SLC9A4: variants seen among roughly 807,000 people sequenced by gnomAD.
SLC9A4 encodes solute carrier family 9 member A4.
Under a neutral mutation model 67.4 loss-of-function variants are expected in SLC9A4, and 63 were observed. That is an observed-to-expected ratio of 0.93 (90% CI 0.76 to 1.15). The LOEUF (loss-of-function observed/expected upper bound fraction) is 1.15, where lower values mean the gene tolerates loss of function less well. Ranked by LOEUF, SLC9A4 falls within the 50% of genes most tolerant of loss-of-function variation. The probability of loss-of-function intolerance (pLI) is 0.00; values close to 1 mark genes in which losing one functional copy is unlikely to be tolerated. For synonymous variants in SLC9A4, 393 were observed against 367.2 expected (o/e 1.07, Z -0.80); for missense variants, 1,089 against 987.7 (o/e 1.10, Z -1.38).
chr2:102,501,037 G>A (rs1684918955), intron 2 of SLC9A4, among the ~76,000 whole-genome samples: 1 of 56,452 alleles, frequency 1.8e-5, no homozygotes, highest in Non-Finnish European at 3.1e-5. Flanking sequence ...TCAGCTCACG[G>A]CAACCTCGCC....
chr2:102,506,021 G>A (rs1387868282), intron 4 of SLC9A4, among the ~76,000 whole-genome samples: 2 of 152,126 alleles, frequency 1.3e-5, no homozygotes, highest in African/African-American at 4.8e-5. Flanking sequence ...TTCATTTGAG[G>A]GTTGAGTGCA....
Position 102,519,873 on chromosome 2 carries a change from A to G in SLC9A4, c.1736A>G (p.Gln579Arg), listed in dbSNP as rs1224441561. Residue 579 changes from glutamine (Q) to arginine (R), a missense_variant, in exon 9 of 12, where the codon CAA (glutamine) becomes CGA (arginine). By Grantham distance (43) the Gln-to-Arg change is conservative. Coordinates refer to ENST00000295269, the MANE Select transcript of SLC9A4 (RefSeq NM_001011552.4). ...FSIPHQAQRI[Q>R]GIKRLSPEDV... is the part of the protein sequence containing the mutation. Reference sequence around the variant, plus strand: ...AATGATTCCAGGGCCCAGAGGATACAAGGAATCAAAAGACTTTCCCCTGAA... The same window carrying G: ...AATGATTCCAGGGCCCAGAGGATACGAGGAATCAAAAGACTTTCCCCTGAA... 1 of 1,613,750 alleles carries G rather than the reference A, an allele frequency of 6.2e-7. No individual in the cohort carries two copies. The highest frequency in any genetic ancestry group is 2.2e-5 in the East Asian group (1 of 44,864).
chr2:102,503,352 G>A (rs563410007), intron 2 of SLC9A4, 96 bp from the exon 3 acceptor site: 1 of 1,144,920 alleles, frequency 8.7e-7, no homozygotes. Context: ...TTATTTTTGT[G>A]TATTACTTAA....
At chr2:102,475,027 A>G (rs976499468) in intron 1 of SLC9A4, among the ~76,000 whole-genome samples, 1 of 152,176 alleles carries the variant, frequency 6.6e-6, no homozygotes, top group Non-Finnish European at 1.5e-5. Context: ...GGACACTGGT[A>G]TAGGTGTCCC....
chr2:102,491,347 T>TTTTTTTTC (rs1684695734), intron 2 of SLC9A4, among the ~76,000 whole-genome samples: 1 of 91,366 alleles, frequency 1.1e-5, no homozygotes, highest in Non-Finnish European at 2.1e-5. Context: ...TTTTTTTTTT[T>TTTTTTTTC]TTTTTACTGT....
At chr2:102,475,675 C>T (rs1361197168) in intron 1 of SLC9A4, among the ~76,000 whole-genome samples, 5 of 152,062 alleles carry the variant, frequency 3.3e-5, no homozygotes, top group Non-Finnish European at 4.4e-5. Flanking sequence ...CACGCTTATT[C>T]GAGTACAATT....
chr2:102,523,510 A>T (rs1674593646), intron 9 of SLC9A4, among the ~76,000 whole-genome samples: 1 of 152,202 alleles, frequency 6.6e-6, no homozygotes, highest in Non-Finnish European at 1.5e-5. Context: ...TACATTAAGT[A>T]CTAATAGAGC....
intron 10 of SLC9A4, among the ~76,000 whole-genome samples, chr2:102,526,032 T>C (rs6712638): frequency 0.83 from 126,724 of 152,016 alleles, 53,578 homozygotes; most frequent in African/African-American, 0.96. Context: ...GGATTACAGG[T>C]GCCCGTCTCC....
At position 102,533,118 on chromosome 2, in the gene SLC9A4, A is replaced by T. The variant is rs1674813229; in HGVS notation, c.*430A>T. On this transcript the variant is annotated 3_prime_UTR_variant, in exon 12 of 12. Coordinates refer to ENST00000295269, the MANE Select transcript of SLC9A4 (RefSeq NM_001011552.4). ...GACTCAGCCCCTTGTGTTTACAGAC[A>T]AGGACATGTAGTCCAAGGTTGCATG... 1 of 161,316 alleles carries T rather than the reference A, an allele frequency of 6.2e-6. No homozygotes were observed. Among genetic ancestry groups the T allele is most frequent in the African/African-American group, 2.4e-5 (1 of 41,654 alleles). The allele number at this position is 161,316 out of a possible 1,614,324, so 10.0% of individuals were successfully genotyped here. A position where few individuals can be genotyped will look rare whatever the true frequency, so the allele number is the denominator to read the frequency against.
At chr2:102,511,788 GTTCTT>G (rs1353112694) in intron 6 of SLC9A4, among the ~76,000 whole-genome samples, 5 of 151,614 alleles carry the variant, frequency 3.3e-5, no homozygotes, top group African/African-American at 1.2e-4. Context: ...ATAACAGTGT[GTTCTT>G]TTCTTCTGCA....
At chr2:102,531,153 C>T (rs372472100) in intron 11 of SLC9A4, among the ~76,000 whole-genome samples, 20 of 149,276 alleles carry the variant, frequency 1.3e-4, no homozygotes, top group African/African-American at 4.9e-4. Context: ...AGCTCTGCCT[C>T]CCAGGTTCAC....
At chr2:102,510,323 T>C (rs1257133433) in intron 6 of SLC9A4, among the ~76,000 whole-genome samples, 1 of 85,182 alleles carries the variant, frequency 1.2e-5, no homozygotes, top group Non-Finnish European at 2.8e-5. Flanking sequence ...AGAGATTTGT[T>C]GTAAGGAATT....
At chr2:102,483,596 C>T (rs759774034) in intron 2 of SLC9A4, among the ~76,000 whole-genome samples, 17 of 151,948 alleles carry the variant, frequency 1.1e-4, no homozygotes, top group Non-Finnish European at 1.9e-4. Context: ...TCTCTTGTCC[C>T]ACTTTTTTCT....
chr2:102,491,645 C>T (rs1034708711), intron 2 of SLC9A4, among the ~76,000 whole-genome samples: 10 of 152,074 alleles, frequency 6.6e-5, no homozygotes, highest in Non-Finnish European at 1.2e-4. Context: ...AGGGATTATG[C>T]GAGCTACAAT....
intron 4 of SLC9A4, 31 bp downstream of exon 4, chr2:102,505,502 G>C: frequency 6.3e-7 from 1 of 1,597,560 alleles, no homozygotes; most frequent in Non-Finnish European, 8.6e-7. Flanking sequence ...AGAGTCTCCG[G>C]TCCTGCTGCA....
rs1415553066 is a variant in SLC9A4, at chr2:102,473,649, A to C, written c.-111A>C. The C allele has an allele frequency of 1.5e-6, 2 of 1,347,470 alleles. No homozygotes were observed. Among genetic ancestry groups the C allele is most frequent in the Admixed American group, 4.1e-5 (2 of 48,344 alleles). The allele number at this position is 1,347,470 out of a possible 1,614,324, so 83.5% of individuals were successfully genotyped here. On this transcript the variant is annotated 5_prime_UTR_variant, in exon 1 of 12. Transcript: ENST00000295269. ...CTTCTTGGGAGGACCCACAGACTGT[A>C]CCTATATTACTTTTGACCCAGGTGG... is the stretch of plus-strand genomic sequence containing the variant.
In SLC9A4 at chr2:102,533,761, G is replaced by C. The variant is rs1424202378; in HGVS notation, c.*1073G>C. On this transcript the variant is annotated 3_prime_UTR_variant, in exon 12 of 12. Coordinates refer to ENST00000295269, the MANE Select transcript of SLC9A4 (RefSeq NM_001011552.4). Reference sequence around the variant, plus strand: ...ATGCGGTGTTTGGTTTTTTGTTCTTGGGATAGTTTACTGAGAATGATGATT... The same window carrying C: ...ATGCGGTGTTTGGTTTTTTGTTCTTCGGATAGTTTACTGAGAATGATGATT... The C allele has an allele frequency of 6.7e-6, 1 of 150,284 alleles. No individual in the cohort carries two copies. The highest frequency in any genetic ancestry group is 1.5e-5 in the Non-Finnish European group (1 of 67,656). 9.3% of individuals were successfully genotyped at this position (150,284 alleles called of 1,614,324 possible). A position where few individuals can be genotyped will look rare whatever the true frequency, so the allele number is the denominator to read the frequency against.
At chr2:102,474,876 A>G (rs542036479) in intron 1 of SLC9A4, among the ~76,000 whole-genome samples, 2 of 152,344 alleles carry the variant, frequency 1.3e-5, no homozygotes, top group South Asian at 4.1e-4. Flanking sequence ...AGATAGAATC[A>G]ATGAAACATT....
chr2:102,503,511 G>A lies in SLC9A4; in HGVS notation c.784G>A (p.Asp262Asn), dbSNP rs777469535. The change falls in exon 3 of 12, where the codon GAC becomes AAC. Residue 262 changes from aspartate (D) to asparagine (N), a missense_variant. By Grantham distance (23) the Asp-to-Asn change is conservative. Coordinates refer to ENST00000295269, the MANE Select transcript of SLC9A4 (RefSeq NM_001011552.4). The part of the protein sequence containing the change: ...MHKFEDIETV[D>N]ILAGCARFIV... ...TAAATTTGAAGACATAGAAACTGTC[G>A]ACATTTTGGCTGGATGTGCCCGATT... The A allele has an allele frequency of 6.8e-5, 109 of 1,613,884 alleles. No individual in the cohort carries two copies. Among genetic ancestry groups the A allele is most frequent in the Non-Finnish European group, 8.5e-5 (100 of 1,179,982 alleles).
Sources: gnomAD v4.1 joint callset for allele counts (sites outside exome capture counted in the v4.1 genomes callset) on GRCh38, gnomAD v4.1.1 for gene constraint, MANE v1.5 for transcripts, NCBI Gene and HGNC (gene_info 2026-07-23, HGNC 2026-07-21) for gene names.